NXN: variants seen among roughly 807,000 people sequenced by gnomAD.
NXN encodes nucleoredoxin 1.
In NXN, 16 loss-of-function variants were observed where a neutral mutation model predicts 48.6. The ratio of observed to expected loss-of-function variants is 0.33; its 90% confidence interval spans 0.22 to 0.50. The LOEUF (loss-of-function observed/expected upper bound fraction) is 0.50. Among genes scored for constraint, NXN ranks in the 20% least tolerant of loss-of-function variants. The pLI is 0.98. For synonymous variants in NXN, 281 were observed against 269.6 expected, an observed-to-expected ratio of 1.04 and a Z score of -0.41; for missense variants, 492 against 605.5, an observed-to-expected ratio of 0.81 and a Z score of 1.97.
At chr17:915,517 TCAGG>T (rs1436201473) in intron 1 of NXN, among the ~76,000 whole-genome samples, 2 of 151,664 alleles carry the variant, frequency 1.3e-5, no homozygotes, top group African/African-American at 4.8e-5. Flanking sequence ...ACTCTTGGGC[TCAGG>T]CAATCAACCT....
At chr17:896,992 G>A (rs1390573058) in intron 1 of NXN, 7 of 1,158,090 alleles carry the variant, frequency 6.0e-6, no homozygotes, top group South Asian at 1.6e-5. Context: ...AAGTCCCCGC[G>A]GCAGATACAC....
intron 1 of NXN, among the ~76,000 whole-genome samples, chr17:853,064 A>ACC (rs1444119780): frequency 6.6e-6 from 1 of 150,926 alleles, no homozygotes; most frequent in Admixed American, 6.6e-5. Context: ...TGCAAGCTCC[A>ACC]CCCCCTGGGT....
intron 1 of NXN, among the ~76,000 whole-genome samples, chr17:866,213 T>C (rs974058101): frequency 6.6e-6 from 1 of 152,184 alleles, no homozygotes; most frequent in African/African-American, 2.4e-5. Context: ...ATCAGACGTT[T>C]CTTTTGTAAA....
chr17:952,093 T>C (rs144198012), intron 1 of NXN, among the ~76,000 whole-genome samples: 26 of 151,808 alleles, frequency 1.7e-4, no homozygotes, highest in African/African-American at 5.6e-4. Context: ...GTGGTTTTTG[T>C]GGTCTGAGAA....
intron 1 of NXN, among the ~76,000 whole-genome samples, chr17:826,417 C>G (rs1913106739): frequency 6.6e-6 from 1 of 152,190 alleles, no homozygotes; most frequent in Non-Finnish European, 1.5e-5. Context: ...GAGGCGGAGG[C>G]TGATGGAGGA....
chr17:847,892 C>T (rs2144736578), intron 1 of NXN, among the ~76,000 whole-genome samples: 1 of 152,278 alleles, frequency 6.6e-6, no homozygotes, highest in Admixed American at 6.5e-5. Flanking sequence ...GAAAAAACAG[C>T]TACAAGCCCA....
chr17:925,288 C>T (rs1300370013), intron 1 of NXN, among the ~76,000 whole-genome samples: 1 of 152,186 alleles, frequency 6.6e-6, no homozygotes, highest in East Asian at 1.9e-4. Flanking sequence ...AGTCCAGTGA[C>T]GGGTACAAGG....
intron 1 of NXN, among the ~76,000 whole-genome samples, chr17:869,392 G>A (rs2068127659): frequency 6.6e-6 from 1 of 152,164 alleles, no homozygotes; most frequent in Non-Finnish European, 1.5e-5. Context: ...GCGACCTGAG[G>A]TTCCAGGGGG....
intron 1 of NXN, among the ~76,000 whole-genome samples, chr17:844,887 T>C (rs1302369934): frequency 6.6e-6 from 1 of 152,070 alleles, no homozygotes; most frequent in Non-Finnish European, 1.5e-5. Context: ...CCAGCCTGTT[T>C]TTTTTAATGA....
chr17:839,878 C>T (rs1434164254), intron 1 of NXN, among the ~76,000 whole-genome samples: 1 of 149,320 alleles, frequency 6.7e-6, no homozygotes, highest in Non-Finnish European at 1.5e-5. Context: ...GGGCAGATTA[C>T]CTGAGGTCAG....
At chr17:976,807 C>T (rs1272285454) in intron 1 of NXN, among the ~76,000 whole-genome samples, 1 of 149,442 alleles carries the variant, frequency 6.7e-6, no homozygotes, top group African/African-American at 2.5e-5. Context: ...GCTCTTGTTG[C>T]CCAGACTGGG....
At chr17:835,289 C>T (rs1913748824) in intron 1 of NXN, among the ~76,000 whole-genome samples, 1 of 145,690 alleles carries the variant, frequency 6.9e-6, no homozygotes, top group Non-Finnish European at 1.5e-5. Flanking sequence ...GCCTGGAAGA[C>T]AGACCGAGAC....
rs1423926533 is a variant in NXN at position 917,930 on chromosome 17, T to C, written c.360+61389A>G. 6.6e-6 allele frequency among the ~76,000 whole-genome samples: 1 copy of C among 152,158 alleles called. No individual in the cohort carries two copies. The highest frequency in any genetic ancestry group is 2.4e-5 in the African/African-American group (1 of 41,424). On this transcript the variant is annotated intron_variant, in intron 1 of 7. Transcript: ENST00000336868. The surrounding 1 kb of genome is among the most constrained non-coding windows in gnomAD (Gnocchi z 4.5). The stretch of plus-strand genomic sequence containing the variant: ...CAGTTTTGTTGACAAGAACCCCTAA[T>C]GGATAATAATAAAATGTTTACTGAG...
intron 1 of NXN, among the ~76,000 whole-genome samples, chr17:931,834 CAAAAAA>C (rs34072582): frequency 0.37 from 32,631 of 87,844 alleles, 5,237 homozygotes; most frequent in East Asian, 0.45. Context: ...GACTCCGTCT[CAAAAAA>C]AAAAAAAAAA....
intron 1 of NXN, among the ~76,000 whole-genome samples, chr17:911,884 G>A (rs2068640065): frequency 6.6e-6 from 1 of 151,436 alleles, no homozygotes; most frequent in African/African-American, 2.4e-5. Flanking sequence ...TCCCAGTCTG[G>A]CCCTCAGGTA....
chr17:931,834 C>CA (rs34072582), intron 1 of NXN, among the ~76,000 whole-genome samples: 1,516 of 88,088 alleles, frequency 0.017, 13 homozygotes, highest in East Asian at 0.046. Flanking sequence ...GACTCCGTCT[C>CA]AAAAAAAAAA....
At chr17:841,526 CGACCA>C (rs1914257243) in intron 1 of NXN, among the ~76,000 whole-genome samples, 5 of 44,750 alleles carry the variant, frequency 1.1e-4, no homozygotes, top group Non-Finnish European at 1.1e-4. Context: ...CAGGTCCCCC[CGACCA>C]TGGAGCATCT....
At chr17:827,314 T>C (rs1382569723) in intron 1 of NXN, among the ~76,000 whole-genome samples, 2 of 150,404 alleles carry the variant, frequency 1.3e-5, no homozygotes, top group African/African-American at 4.9e-5. Context: ...CCGTCTCTAC[T>C]AAAAATACAA....
At chr17:960,280 G>A (rs574882695) in intron 1 of NXN, among the ~76,000 whole-genome samples, 3 of 152,254 alleles carry the variant, frequency 2.0e-5, no homozygotes, top group South Asian at 2.1e-4. Context: ...TTGGGATCTC[G>A]CTTTTCTGAA....
Sources: allele counts gnomAD v4.1 joint callset (sites outside exome capture counted in the v4.1 genomes callset), GRCh38; gene constraint gnomAD v4.1.1; non-coding constraint Gnocchi (gnomAD v3.1); transcripts MANE v1.5; gene names NCBI Gene and HGNC (gene_info 2026-07-23, HGNC 2026-07-21).